Variants in UGGT2 observed in about 807,000 individuals in gnomAD.
The protein encoded by UGGT2 is UDP-glucose:glycoprotein glucosyltransferase 2.
In UGGT2, 180 loss-of-function variants were observed where a neutral mutation model predicts 192.1. The ratio of observed to expected loss-of-function variants is 0.94; its 90% CI spans 0.83 to 1.06. UGGT2 has a LOEUF of 1.06. Ranked by LOEUF, UGGT2 falls within the 50% of genes least tolerant of loss-of-function variation. UGGT2 has a pLI of 0.00. For synonymous variants in UGGT2, 580 were observed against 591.0 expected (o/e 0.98, Z 0.27); for missense variants, 1,849 against 1,795.7 (o/e 1.03, Z -0.54).
At chr13:96,030,670 T>C (rs961580985) in intron 2 of UGGT2, among the ~76,000 whole-genome samples, 1 of 152,202 alleles carries the variant, frequency 6.6e-6, no homozygotes, top group Non-Finnish European at 1.5e-5. Flanking sequence ...TAATCACCAA[T>C]AGTAAGAAGA....
chr13:95,919,675 TACAAA>T (rs1208991691), intron 20 of UGGT2, among the ~76,000 whole-genome samples: 1 of 152,124 alleles, frequency 6.6e-6, no homozygotes, highest in Non-Finnish European at 1.5e-5. Context: ...CAAGGAGAAT[TACAAA>T]CCACTGCTCA....
At chr13:95,815,593 T>C (rs555808278) in intron 38 of UGGT2, among the ~76,000 whole-genome samples, 18 of 152,324 alleles carry the variant, frequency 1.2e-4, no homozygotes, top group Non-Finnish European at 1.6e-4. Context: ...TATTTATGAA[T>C]TGGAAGCTCA....
intron 12 of UGGT2, among the ~76,000 whole-genome samples, chr13:95,969,294 A>G (rs903737785): frequency 1.1e-4 from 16 of 152,152 alleles, no homozygotes; most frequent in Admixed American, 5.9e-4. Context: ...TTTACTCTGG[A>G]CTTCACCCCT....
At position 96,027,774 on chromosome 13, in the gene UGGT2, A is replaced by G. The variant is rs112408800; in HGVS notation, c.242-4015T>C. Among the ~76,000 whole-genome samples the G allele has an allele frequency of 6.3e-4, 96 of 152,334 alleles. 1 individual carries two copies. The highest frequency in any genetic ancestry group is 1.9e-3 in the African/African-American group (81 of 41,568). On this transcript the variant is annotated intron_variant, in intron 2 of 38. Coordinates refer to ENST00000376747, the MANE Select transcript of UGGT2 (RefSeq NM_020121.4). The stretch of plus-strand genomic sequence containing the variant: ...CAGAGATATGAAAAGCTTTACTCAC[A>G]TCTTAACTTACTAAAGTCTTGATTA...
At chr13:95,871,258 C>T (rs746210029) in intron 29 of UGGT2, among the ~76,000 whole-genome samples, 2 of 152,160 alleles carry the variant, frequency 1.3e-5, no homozygotes, top group African/African-American at 2.4e-5. Flanking sequence ...CTACCAGACA[C>T]CGAAGTGAGT....
chr13:95,831,154 C>A (rs974172095), intron 38 of UGGT2, among the ~76,000 whole-genome samples: 1 of 151,990 alleles, frequency 6.6e-6, no homozygotes, highest in African/African-American at 2.4e-5. Context: ...GGTGGGATAG[C>A]ATTAGGTGAC....
At chr13:95,982,251 A>C (rs2051150173) in intron 10 of UGGT2, among the ~76,000 whole-genome samples, 1 of 152,124 alleles carries the variant, frequency 6.6e-6, no homozygotes, top group Admixed American at 6.6e-5. Flanking sequence ...GCCGCCCCCA[A>C]ATCATTTTAT....
intron 37 of UGGT2, 45 bp downstream of exon 37, chr13:95,837,041 C>T (rs544799984): frequency 9.5e-6 from 13 of 1,362,722 alleles, no homozygotes; most frequent in African/African-American, 5.7e-5. Flanking sequence ...TCTATTTAAA[C>T]ATTTCTGTAT....
intron 2 of UGGT2, among the ~76,000 whole-genome samples, chr13:96,026,656 C>CT (rs2052673625): frequency 7.1e-6 from 1 of 140,440 alleles, no homozygotes; most frequent in Non-Finnish European, 1.5e-5. Flanking sequence ...CTCTTTCACT[C>CT]TTCTTTTTTT....
intron 38 of UGGT2, among the ~76,000 whole-genome samples, chr13:95,823,320 T>C (rs73556758): frequency 0.016 from 2,443 of 152,166 alleles, 67 homozygotes; most frequent in African/African-American, 0.056. Context: ...AAGTCCACTG[T>C]TTGTTGGCTT....
At chr13:95,958,191 G>A (rs547251226) in intron 12 of UGGT2, among the ~76,000 whole-genome samples, 2 of 151,536 alleles carry the variant, frequency 1.3e-5, no homozygotes, top group South Asian at 2.1e-4. Flanking sequence ...TTGCTCTGTC[G>A]CCCAGGCTGG....
At chr13:95,851,611 G>T (rs961599056) in intron 36 of UGGT2, among the ~76,000 whole-genome samples, 1 of 152,192 alleles carries the variant, frequency 6.6e-6, no homozygotes, top group Non-Finnish European at 1.5e-5. Flanking sequence ...GAAAACATCC[G>T]TGCTGCAAAG....
chr13:95,971,730 C>G (rs2050780205), intron 11 of UGGT2, among the ~76,000 whole-genome samples: 1 of 152,066 alleles, frequency 6.6e-6, no homozygotes, highest in Non-Finnish European at 1.5e-5. Flanking sequence ...ATGTATCTAT[C>G]TTATTATTTT....
intron 30 of UGGT2, among the ~76,000 whole-genome samples, chr13:95,866,728 A>G (rs1890693103): frequency 6.6e-6 from 1 of 152,124 alleles, no homozygotes; most frequent in South Asian, 2.1e-4. Context: ...ATGGCAGTTA[A>G]AAGTGTGACA....
intron 36 of UGGT2, among the ~76,000 whole-genome samples, chr13:95,841,235 AAAT>A (rs1887826264): frequency 6.6e-6 from 1 of 152,186 alleles, no homozygotes. Context: ...CGGAAAATAA[AAAT>A]AAAAATAAAC....
chr13:95,918,013 G>T (rs907829048), intron 20 of UGGT2, among the ~76,000 whole-genome samples: 2 of 152,078 alleles, frequency 1.3e-5, no homozygotes, highest in Non-Finnish European at 2.9e-5. Flanking sequence ...TTCACGACCT[G>T]AACTCAGCTC....
chr13:95,842,768 G>A (rs1274033707), intron 36 of UGGT2, among the ~76,000 whole-genome samples: 1 of 152,176 alleles, frequency 6.6e-6, no homozygotes, highest in African/African-American at 2.4e-5. Flanking sequence ...GCCACATCCA[G>A]CAAGGAAATT....
intron 31 of UGGT2, among the ~76,000 whole-genome samples, chr13:95,861,204 T>C (rs1354982833): frequency 6.6e-6 from 1 of 152,128 alleles, no homozygotes; most frequent in Non-Finnish European, 1.5e-5. Flanking sequence ...ATATCTAGTG[T>C]ACTGAAAGTT....
At chr13:95,945,259 C>G (rs1322054708) in intron 15 of UGGT2, among the ~76,000 whole-genome samples, 1 of 152,008 alleles carries the variant, frequency 6.6e-6, no homozygotes, top group Non-Finnish European at 1.5e-5. Flanking sequence ...CTTCAAATTA[C>G]TTAATTGAGA....
Sources: allele counts gnomAD v4.1 joint callset (sites outside exome capture counted in the v4.1 genomes callset), GRCh38; gene constraint gnomAD v4.1.1; transcripts MANE v1.5; gene names NCBI Gene and HGNC (gene_info 2026-07-23, HGNC 2026-07-21).